The following IGBP1C variants were observed in gnomAD, a reference collection of about 807,000 sequenced individuals.
IGBP1C encodes IGBP1 family member C.
the IGBP1C span, among the ~76,000 whole-genome samples, chr17:58,675,082 G>A: frequency 6.6e-6 from 1 of 151,710 alleles, no homozygotes; most frequent in Non-Finnish European, 1.5e-5. Flanking sequence ...GGAGGTGGAA[G>A]TTGCAGTGAG....
chr17:58,679,642 G>C, the IGBP1C span: 1 of 152,130 alleles, frequency 6.6e-6, no homozygotes, highest in Non-Finnish European at 1.5e-5. Context: ...ACCTCACCCT[G>C]AAAAATCCAC....
the IGBP1C span, among the ~76,000 whole-genome samples, chr17:58,691,708 T>C: frequency 1.3e-5 from 2 of 148,198 alleles, no homozygotes; most frequent in African/African-American, 5.0e-5. Flanking sequence ...AGGGAATAAG[T>C]TACCCCCTGC....
At chr17:58,668,639 A>G in the IGBP1C span, among the ~76,000 whole-genome samples, 5 of 152,230 alleles carry the variant, frequency 3.3e-5, no homozygotes, top group Non-Finnish European at 7.3e-5. Context: ...AATGTGCCCA[A>G]GTGGTAGAGA....
the IGBP1C span, chr17:58,661,855 C>T: frequency 2.0e-4 from 79 of 401,848 alleles, no homozygotes; most frequent in Non-Finnish European, 3.2e-4. Context: ...GGGAATAATA[C>T]TGCCTTCCTG....
At chr17:58,682,738 A>G in the IGBP1C span, among the ~76,000 whole-genome samples, 1 of 152,200 alleles carries the variant, frequency 6.6e-6, no homozygotes, top group Non-Finnish European at 1.5e-5. Flanking sequence ...ATGTTTCACA[A>G]AAATTTCATT....
At chr17:58,689,307 G>C in the IGBP1C span, among the ~76,000 whole-genome samples, 1 of 151,956 alleles carries the variant, frequency 6.6e-6, no homozygotes, top group African/African-American at 2.4e-5. Flanking sequence ...TGCAACCTCT[G>C]CCTCCTGGGT....
chr17:58,688,965 C>A, the IGBP1C span, among the ~76,000 whole-genome samples: 1 of 152,098 alleles, frequency 6.6e-6, no homozygotes, highest in Non-Finnish European at 1.5e-5. Context: ...GAGTCTCGCT[C>A]TGTCACAGAG....
the IGBP1C span, chr17:58,661,297 T>C: frequency 1.2e-6 from 1 of 815,384 alleles, no homozygotes; most frequent in South Asian, 1.3e-5. Flanking sequence ...GCAAATGATC[T>C]AGACGCTTAC....
chr17:58,673,051 C>T, the IGBP1C span, among the ~76,000 whole-genome samples: 2 of 151,794 alleles, frequency 1.3e-5, no homozygotes, highest in African/African-American at 4.8e-5. Context: ...TTTATACATA[C>T]TTTTTTTAAA....
chr17:58,689,472 G>A, the IGBP1C span, among the ~76,000 whole-genome samples: 1 of 152,118 alleles, frequency 6.6e-6, no homozygotes, highest in Non-Finnish European at 1.5e-5. Flanking sequence ...ACCCGCCTTG[G>A]CCTCCCAAAG....
chr17:58,667,392 C>T, the IGBP1C span, among the ~76,000 whole-genome samples: 2 of 152,162 alleles, frequency 1.3e-5, no homozygotes. Context: ...AATACATTAA[C>T]GAACAGCTTA....
At chr17:58,663,897 G>T in the IGBP1C span, among the ~76,000 whole-genome samples, 5 of 152,240 alleles carry the variant, frequency 3.3e-5, no homozygotes, top group Admixed American at 2.0e-4. Context: ...CTCTATTTAG[G>T]CCAGGGGCAG....
the IGBP1C span, chr17:58,661,119 T>C: frequency 2.9e-4 from 260 of 899,774 alleles, no homozygotes; most frequent in Non-Finnish European, 4.5e-4. Context: ...TATCGCTCTA[T>C]TTTAGCCTGT....
chr17:58,664,526 T>C, the IGBP1C span, among the ~76,000 whole-genome samples: 1 of 152,194 alleles, frequency 6.6e-6, no homozygotes, highest in Non-Finnish European at 1.5e-5. Flanking sequence ...CAAGGTCCAG[T>C]CCGCTGGCCT....
At chr17:58,685,023 A>G in the IGBP1C span, among the ~76,000 whole-genome samples, 1 of 152,352 alleles carries the variant, frequency 6.6e-6, no homozygotes, top group African/African-American at 2.4e-5. Flanking sequence ...TAAAATTAAA[A>G]ATTAAAAAAG....
chr17:58,681,161 G>A, the IGBP1C span, among the ~76,000 whole-genome samples: 10 of 152,212 alleles, frequency 6.6e-5, no homozygotes, highest in Middle Eastern at 3.4e-3. Context: ...CTGGGTACTC[G>A]GGAGGCTGAG....
At chr17:58,678,818 T>TATAATAATAATAATAATAATA in the IGBP1C span, among the ~76,000 whole-genome samples, 16 of 137,322 alleles carry the variant, frequency 1.2e-4, no homozygotes, top group East Asian at 2.1e-4. Flanking sequence ...GAACTTAAAG[T>TATAATAATAATAATAATAATA]ATAATAATAA....
chr17:58,681,183 G>A, the IGBP1C span, among the ~76,000 whole-genome samples: 6 of 152,096 alleles, frequency 3.9e-5, no homozygotes, highest in African/African-American at 1.2e-4. Context: ...CAGGAGAATC[G>A]CCTGAACCCA....
the IGBP1C span, among the ~76,000 whole-genome samples, chr17:58,682,040 C>T: frequency 6.6e-6 from 1 of 152,090 alleles, no homozygotes; most frequent in Non-Finnish European, 1.5e-5. Flanking sequence ...CAGCTCACTG[C>T]AGCCTTGACC....
Sources: gnomAD v4.1 joint callset for allele counts (sites outside exome capture counted in the v4.1 genomes callset) on GRCh38, gnomAD v4.1.1 for gene constraint, MANE v1.5 for transcripts, NCBI Gene and HGNC (gene_info 2026-07-23, HGNC 2026-07-21) for gene names.